The following RBM20 variants were observed in gnomAD, a reference collection of about 807,000 sequenced individuals.
RBM20 encodes the protein RNA binding motif protein 20, also known as RNA-binding protein 20.
Under a neutral mutation model 110.1 loss-of-function variants are expected in RBM20, and 51 were observed. The observed-to-expected ratio is 0.46, with a 90% confidence interval of 0.37 to 0.59. The LOEUF is 0.59. Ranked by LOEUF, RBM20 falls within the 20% of genes least tolerant of loss-of-function variation. RBM20 has a pLI of 0.00. For synonymous variants in RBM20, 589 were observed against 618.2 expected, an observed-to-expected ratio of 0.95 and a Z score of 0.70; for missense variants, 1,512 against 1,574.9, an observed-to-expected ratio of 0.96 and a Z score of 0.68.
At chr10:110,802,202 C>T (rs1197087824) in intron 7 of RBM20, among the ~76,000 whole-genome samples, 3 of 152,180 alleles carry the variant, frequency 2.0e-5, no homozygotes. Flanking sequence ...AATCCACCTT[C>T]AAGGTTGAAG....
At chr10:110,829,341 C>T (rs1333088360) in intron 12 of RBM20, among the ~76,000 whole-genome samples, 1 of 152,222 alleles carries the variant, frequency 6.6e-6, no homozygotes, top group Non-Finnish European at 1.5e-5. Flanking sequence ...GCTGGGGCCA[C>T]TTTTCCATCC....
intron 1 of RBM20, among the ~76,000 whole-genome samples, chr10:110,711,157 C>T (rs1680812713): frequency 7.2e-6 from 1 of 139,594 alleles, no homozygotes; most frequent in Non-Finnish European, 1.5e-5. Context: ...TGGTGAAATC[C>T]CGTCTCTACT....
At chr10:110,656,570 C>T (rs568454543) in intron 1 of RBM20, among the ~76,000 whole-genome samples, 14 of 152,222 alleles carry the variant, frequency 9.2e-5, no homozygotes, top group Non-Finnish European at 5.9e-5. Context: ...CTCTCCAGTA[C>T]CAAAATGGTT....
chr10:110,823,451 T>TG, intron 11 of RBM20, 29 bp from the exon 12 acceptor site: 1 of 1,047,922 alleles, frequency 9.5e-7, no homozygotes, highest in Admixed American at 4.5e-5. Context: ...TTTTTTTTTT[T>TG]TTTTTTTGCC....
intron 1 of RBM20, among the ~76,000 whole-genome samples, chr10:110,733,389 G>A (rs915400234): frequency 2.6e-5 from 4 of 152,212 alleles, no homozygotes; most frequent in African/African-American, 9.7e-5. Flanking sequence ...GTATAGAGCC[G>A]GGTGTATGGC....
At chr10:110,806,047 C>A (rs996588764) in intron 7 of RBM20, among the ~76,000 whole-genome samples, 3 of 152,048 alleles carry the variant, frequency 2.0e-5, no homozygotes, top group Non-Finnish European at 4.4e-5. Flanking sequence ...CCGAGGTGGG[C>A]GGATCACTTG....
At chr10:110,648,702 A>G (rs1861903018) in intron 1 of RBM20, among the ~76,000 whole-genome samples, 1 of 70,700 alleles carries the variant, frequency 1.4e-5, no homozygotes, top group Non-Finnish European at 3.9e-5. Flanking sequence ...CTTTACCCCA[A>G]CAGGGAAGAA....
chr10:110,767,099 C>T lies in RBM20; in HGVS notation c.192-13702C>T, dbSNP rs1470124743. On this transcript the variant is annotated intron_variant, in intron 1 of 13. Transcript: ENST00000369519. ...CGGGGGGTGACCCCCCCACCTCCCT[C>T]CCGGACGGGGCGGCTGACCCCCCCC... 1.7e-4 allele frequency among the ~76,000 whole-genome samples: 22 copies of T among 126,268 alleles called. 2 individuals carry two copies. In the East Asian group the frequency reaches 5.3e-3, roughly 31 times the overall value. 82.8% of individuals were successfully genotyped at this position (126,268 alleles called of 152,430 possible).
At chr10:110,770,973 A>G (rs953987518) in intron 1 of RBM20, among the ~76,000 whole-genome samples, 2 of 152,260 alleles carry the variant, frequency 1.3e-5, no homozygotes, top group Non-Finnish European at 2.9e-5. Flanking sequence ...TGATATTTAC[A>G]TAATTTTGTC....
rs1408660540 is a variant in RBM20, at chr10:110,644,635, A to T, written c.181A>T (p.Ile61Phe). 1 of 1,504,308 alleles carries T rather than the reference A, an allele frequency of 6.6e-7. No homozygotes were observed. Among genetic ancestry groups the T allele is most frequent in the South Asian group, 1.3e-5 (1 of 79,564 alleles). The allele number at this position is 1,504,308 out of a possible 1,614,324, so 93.2% of individuals were successfully genotyped here. The change falls in exon 1 of 14, where the codon ATC becomes TTC. Residue 61 changes from isoleucine to phenylalanine, a missense_variant. Ile to Phe is a conservative substitution (Grantham distance 21). Coordinates refer to ENST00000369519, the MANE Select transcript of RBM20 (RefSeq NM_001134363.3). This position sits in a 1 kb window ranked among gnomAD's most constrained non-coding sequence, Gnocchi z 4.3. Reference protein sequence around the residue: ...PPPPQAGLPQIIQNAAKLLDK... With the variant: ...PPPPQAGLPQFIQNAAKLLDK... ...CCCGCCCCAAGCCGGCCTACCCCAG[A>T]TCATCCAAAAGTAAGAAGGGAGAAG...
At chr10:110,800,176 G>A (rs754001022) in intron 7 of RBM20, among the ~76,000 whole-genome samples, 2 of 152,168 alleles carry the variant, frequency 1.3e-5, no homozygotes, top group Non-Finnish European at 2.9e-5. Flanking sequence ...ATGTTCACAG[G>A]GGAACTTTTA....
chr10:110,713,399 G>A (rs546427746), intron 1 of RBM20, among the ~76,000 whole-genome samples: 1 of 152,300 alleles, frequency 6.6e-6, no homozygotes, highest in South Asian at 2.1e-4. Context: ...TGGCTTGAGT[G>A]ATATCCTGAG....
chr10:110,727,688 G>T (rs1843578262), intron 1 of RBM20, among the ~76,000 whole-genome samples: 1 of 152,066 alleles, frequency 6.6e-6, no homozygotes, highest in South Asian at 2.1e-4. Context: ...GAACGTGCAG[G>T]TTTGTTACAT....
chr10:110,797,494 T>C lies in RBM20; in HGVS notation c.1528-14T>C. On this transcript the variant is annotated splice_polypyrimidine_tract_variant and intron_variant, in intron 5 of 13. Coordinates refer to ENST00000369519, the MANE Select transcript of RBM20 (RefSeq NM_001134363.3). ...CGTCTTCTGAATACCACTAATGATC[T>C]TTGTTCCCATTAGTTTGCACAGCGG... 6.5e-7 allele frequency: 1 copy of C among 1,547,178 alleles called. No homozygotes were observed. Among genetic ancestry groups the C allele is most frequent in the Middle Eastern group, 1.8e-4 (1 of 5,680 alleles).
intron 1 of RBM20, among the ~76,000 whole-genome samples, chr10:110,736,019 C>G (rs1843667156): frequency 6.6e-6 from 1 of 152,188 alleles, no homozygotes; most frequent in Admixed American, 6.5e-5. Context: ...ACCAACCCTT[C>G]CACACGCCAG....
At chr10:110,723,945 A>T (rs764243817) in intron 1 of RBM20, among the ~76,000 whole-genome samples, 3 of 152,188 alleles carry the variant, frequency 2.0e-5, no homozygotes, top group Non-Finnish European at 4.4e-5. Flanking sequence ...TTCCATGTCT[A>T]AATAATAATA....
At chr10:110,691,623 A>G (rs1862587072) in intron 1 of RBM20, among the ~76,000 whole-genome samples, 1 of 152,050 alleles carries the variant, frequency 6.6e-6, no homozygotes, top group Admixed American at 6.6e-5. Context: ...TTTGAATTGA[A>G]TTTTTTGTTG....
chr10:110,731,713 C>T (rs539793053), intron 1 of RBM20, among the ~76,000 whole-genome samples: 2 of 152,242 alleles, frequency 1.3e-5, no homozygotes, highest in African/African-American at 4.8e-5. Context: ...TGAAAATAGA[C>T]ATTCTTATGT....
chr10:110,820,852 G>A (rs1479283163), intron 10 of RBM20, among the ~76,000 whole-genome samples: 2 of 152,204 alleles, frequency 1.3e-5, no homozygotes, highest in African/African-American at 4.8e-5. Flanking sequence ...GGCTGTGGGA[G>A]TGTATGTACC....
Sources: allele counts gnomAD v4.1 joint callset (sites outside exome capture counted in the v4.1 genomes callset), GRCh38; gene constraint gnomAD v4.1.1; non-coding constraint Gnocchi (gnomAD v3.1); transcripts MANE v1.5; gene names NCBI Gene and HGNC (gene_info 2026-07-23, HGNC 2026-07-21).